The following GNAQ variants were observed in gnomAD, a reference collection of about 807,000 sequenced individuals.
The protein encoded by GNAQ is guanine nucleotide-binding protein G(q) subunit alpha.
In GNAQ, 8 loss-of-function variants were observed where a neutral mutation model predicts 43.9. The ratio of observed to expected loss-of-function variants is 0.18; its 90% CI spans 0.11 to 0.33. The LOEUF (loss-of-function observed/expected upper bound fraction) is 0.33, where lower values mean the gene tolerates loss of function less well. Ranked by LOEUF, GNAQ falls within the 10% of genes least tolerant of loss-of-function variation. GNAQ has a pLI of 1.00. For synonymous variants in GNAQ, 155 were observed against 170.7 expected (o/e 0.91, Z 0.71); for missense variants, 158 against 450.8 (o/e 0.35, Z 5.88).
chr9:77,966,215 T>C (rs1823165678), intron 1 of GNAQ, among the ~76,000 whole-genome samples: 1 of 152,052 alleles, frequency 6.6e-6, no homozygotes, highest in South Asian at 2.1e-4. Flanking sequence ...ACCTTCAGGT[T>C]TGATGAATAT....
chr9:77,963,092 G>T (rs1157713412), intron 1 of GNAQ, among the ~76,000 whole-genome samples: 1 of 152,088 alleles, frequency 6.6e-6, no homozygotes, highest in Non-Finnish European at 1.5e-5. Flanking sequence ...TGCTAAAATT[G>T]AAGTAAGAAC....
intron 1 of GNAQ, among the ~76,000 whole-genome samples, chr9:77,957,512 A>G (rs1286598367): frequency 6.6e-6 from 1 of 152,150 alleles, no homozygotes; most frequent in Non-Finnish European, 1.5e-5. Context: ...TCACCTTTGC[A>G]TGGAAAGCAA....
At chr9:77,815,037 A>G (rs1246808958) in intron 3 of GNAQ, among the ~76,000 whole-genome samples, 1 of 152,176 alleles carries the variant, frequency 6.6e-6, no homozygotes, top group African/African-American at 2.4e-5. Context: ...ACAGCTCACA[A>G]AATAATTCTG....
chr9:77,764,058 C>G (rs1358978770), intron 5 of GNAQ, among the ~76,000 whole-genome samples: 3 of 152,156 alleles, frequency 2.0e-5, no homozygotes, highest in African/African-American at 7.2e-5. Flanking sequence ...TAGATTTTAT[C>G]CCTTGCCATG....
chr9:77,902,496 A>C (rs1828630553), intron 2 of GNAQ, among the ~76,000 whole-genome samples: 1 of 152,266 alleles, frequency 6.6e-6, no homozygotes, highest in Admixed American at 6.5e-5. Flanking sequence ...ATGACATTAC[A>C]AGATGAGATA....
chr9:77,868,768 C>T (rs1333039003), intron 2 of GNAQ, among the ~76,000 whole-genome samples: 2 of 152,164 alleles, frequency 1.3e-5, no homozygotes, highest in Admixed American at 1.3e-4. Flanking sequence ...GCACTCCAGC[C>T]TGGTGACAGA....
chr9:77,881,926 T>A (rs1027861619), intron 2 of GNAQ, among the ~76,000 whole-genome samples: 11 of 152,176 alleles, frequency 7.2e-5, no homozygotes, highest in Admixed American at 6.5e-4. Flanking sequence ...TCACTTGAGG[T>A]CAGGAGTTCG....
intron 5 of GNAQ, among the ~76,000 whole-genome samples, chr9:77,771,250 T>G (rs966163976): frequency 3.9e-5 from 6 of 152,174 alleles, no homozygotes; most frequent in Admixed American, 1.3e-4. Context: ...ATGGGAGAAG[T>G]GGGGCATATA....
intron 1 of GNAQ, among the ~76,000 whole-genome samples, chr9:78,030,080 T>C (rs1276822549): frequency 6.6e-6 from 1 of 152,168 alleles, no homozygotes; most frequent in Non-Finnish European, 1.5e-5. Flanking sequence ...TTTTCAAGAC[T>C]AGAGGGAAAT....
At chr9:77,989,836 G>C (rs1298300567) in intron 1 of GNAQ, among the ~76,000 whole-genome samples, 2 of 152,162 alleles carry the variant, frequency 1.3e-5, no homozygotes, top group African/African-American at 2.4e-5. Context: ...TAGTATTACA[G>C]CTGAAAGTTT....
chr9:77,919,181 A>G (rs1322735240), intron 2 of GNAQ, among the ~76,000 whole-genome samples: 1 of 152,192 alleles, frequency 6.6e-6, no homozygotes. Flanking sequence ...TAGCCTCCGT[A>G]AGTGCTAGGA....
intron 3 of GNAQ, among the ~76,000 whole-genome samples, chr9:77,798,856 TAC>T (rs979481870): frequency 3.9e-5 from 6 of 152,162 alleles, no homozygotes; most frequent in African/African-American, 7.2e-5. Context: ...AACCCATAGA[TAC>T]AGAGGGCTGA....
intron 2 of GNAQ, among the ~76,000 whole-genome samples, chr9:77,888,901 A>T (rs1197576289): frequency 6.6e-6 from 1 of 152,130 alleles, no homozygotes; most frequent in Non-Finnish European, 1.5e-5. Context: ...CACGGAAGAG[A>T]TTCCATTTTC....
intron 5 of GNAQ, among the ~76,000 whole-genome samples, chr9:77,783,870 C>G (rs1245124462): frequency 6.6e-6 from 1 of 152,004 alleles, no homozygotes; most frequent in Non-Finnish European, 1.5e-5. Context: ...AGTTTAAGGA[C>G]AATGTGGGCA....
intron 1 of GNAQ, among the ~76,000 whole-genome samples, chr9:77,943,902 G>C (rs1055255580): frequency 6.6e-6 from 1 of 151,940 alleles, no homozygotes; most frequent in African/African-American, 2.4e-5. Context: ...CCCTACCTCA[G>C]GTGATCCACC....
chr9:78,004,134 G>A (rs1385177247), intron 1 of GNAQ, among the ~76,000 whole-genome samples: 1 of 151,858 alleles, frequency 6.6e-6, no homozygotes, highest in African/African-American at 2.4e-5. Context: ...CTCCAAGGTA[G>A]GGATGGCCAC....
intron 2 of GNAQ, among the ~76,000 whole-genome samples, chr9:77,898,660 A>T (rs554354450): frequency 6.6e-6 from 1 of 152,138 alleles, no homozygotes; most frequent in South Asian, 2.1e-4. Flanking sequence ...CAGATGGAAG[A>T]ACAAGTGAAA....
rs190150352 is a variant in GNAQ, at chr9:77,981,787, T to A, written c.136+49313A>T. 3.0e-3 allele frequency among the ~76,000 whole-genome samples: 454 copies of A among 152,314 alleles called. 2 individuals carry two copies. Among genetic ancestry groups the A allele is most frequent in the Non-Finnish European group, 4.6e-3 (314 of 68,034 alleles). ...GTGTTCTTCGCAGCTCCAGAACTCA[T>A]CTTCCCATATAGAATAAAAACTAGA... On this transcript the variant is annotated intron_variant, in intron 1 of 6. Transcript: ENST00000286548.
intron 1 of GNAQ, among the ~76,000 whole-genome samples, chr9:77,964,345 C>T (rs1374706380): frequency 1.3e-5 from 2 of 152,144 alleles, no homozygotes; most frequent in East Asian, 1.9e-4. Context: ...ATACCCCTTT[C>T]TCAATACTTA....
Sources: gnomAD v4.1 joint callset for allele counts (sites outside exome capture counted in the v4.1 genomes callset) on GRCh38, gnomAD v4.1.1 for gene constraint, MANE v1.5 for transcripts, NCBI Gene and HGNC (gene_info 2026-07-23, HGNC 2026-07-21) for gene names.